The following PPFIBP1 variants were observed in gnomAD, a reference collection of about 807,000 sequenced individuals.
The protein encoded by PPFIBP1 is PPFIB scaffold protein 1.
In PPFIBP1, 112 loss-of-function variants were observed where a neutral mutation model predicts 137.8. That is an observed-to-expected ratio of 0.81 (90% CI 0.70 to 0.95). PPFIBP1 has a LOEUF of 0.95. Among genes scored for constraint, PPFIBP1 ranks in the 40% least tolerant of loss-of-function variants. The pLI, the probability that PPFIBP1 is intolerant of heterozygous loss-of-function variation, is 0.00. For missense variants in PPFIBP1, 1,083 were observed against 1,196.6 expected, an observed-to-expected ratio of 0.91 and a Z score of 1.40; for synonymous variants, 378 against 417.3, an observed-to-expected ratio of 0.91 and a Z score of 1.15.
At chr12:27,563,472 A>G (rs2049356902) in intron 1 of PPFIBP1, among the ~76,000 whole-genome samples, 1 of 146,024 alleles carries the variant, frequency 6.8e-6, no homozygotes, top group South Asian at 2.3e-4. Context: ...AAAAAAAAAA[A>G]AAAAAGCAGA....
At chr12:27,608,962 C>G (rs535551180) in intron 2 of PPFIBP1, 4 of 186,196 alleles carry the variant, frequency 2.1e-5, no homozygotes, top group Admixed American at 1.9e-4. Context: ...TTTGAAGGAG[C>G]AGGTTTAGCT....
At chr12:27,584,741 A>C (rs1437751376) in intron 2 of PPFIBP1, among the ~76,000 whole-genome samples, 1 of 152,228 alleles carries the variant, frequency 6.6e-6, no homozygotes, top group Non-Finnish European at 1.5e-5. Flanking sequence ...CCAAGAAATT[A>C]TCATTTGTTG....
rs116328355 is a variant in PPFIBP1 at position 27,592,596 on chromosome 12, G to A, written c.-36+14357G>A. On this transcript the variant is annotated intron_variant, in intron 2 of 29. Transcript: ENST00000228425. ...GATACCTCCTCAGCAGAGGGGAGAG[G>A]ATATGCTGCCTCAGCCAGCTGAAGG... is the stretch of plus-strand genomic sequence containing the variant. 2,202 of 1,578,130 alleles carry A rather than the reference G, an allele frequency of 1.4e-3. 17 individuals carry two copies. The African/African-American group carries it at 0.026, about 19-fold the overall frequency.
chr12:27,606,900 C>T (rs2054580956), intron 2 of PPFIBP1, among the ~76,000 whole-genome samples: 1 of 152,192 alleles, frequency 6.6e-6, no homozygotes, highest in Non-Finnish European at 1.5e-5. Context: ...GTTACTCCAT[C>T]CGTACTTGCT....
At chr12:27,630,881 T>G (rs547075898) in intron 2 of PPFIBP1, among the ~76,000 whole-genome samples, 4 of 151,530 alleles carry the variant, frequency 2.6e-5, no homozygotes, top group Non-Finnish European at 5.9e-5. Context: ...TGCTTCAGTT[T>G]AAGTCTACCA....
At chr12:27,541,844 T>G (rs2136020680) in intron 1 of PPFIBP1, among the ~76,000 whole-genome samples, 2 of 152,252 alleles carry the variant, frequency 1.3e-5, no homozygotes, top group African/African-American at 4.8e-5. Flanking sequence ...AGCTTCCGAC[T>G]CCAGGGCTGA....
intron 17 of PPFIBP1, 111 bp downstream of exon 17, chr12:27,674,332 TAA>T (rs1321508205): frequency 2.9e-6 from 2 of 689,562 alleles, no homozygotes; most frequent in Non-Finnish European, 4.8e-6. Context: ...AACATTATGC[TAA>T]ATGAAGCCAG....
At chr12:27,592,141 G>C (rs193158722) in intron 2 of PPFIBP1, among the ~76,000 whole-genome samples, 5 of 151,488 alleles carry the variant, frequency 3.3e-5, no homozygotes, top group Non-Finnish European at 5.9e-5. Context: ...GTCCTCACAG[G>C]GGGTGTCCTC....
At chr12:27,566,702 A>G (rs1337870033) in intron 1 of PPFIBP1, among the ~76,000 whole-genome samples, 1 of 152,224 alleles carries the variant, frequency 6.6e-6, no homozygotes, top group Admixed American at 6.5e-5. Flanking sequence ...ATTCTCACAC[A>G]GTAAGTGGGA....
At chr12:27,642,999 G>C (rs1389082805) in intron 4 of PPFIBP1, among the ~76,000 whole-genome samples, 2 of 152,010 alleles carry the variant, frequency 1.3e-5, no homozygotes, top group Admixed American at 1.3e-4. Flanking sequence ...GCTCACACAA[G>C]ATGGCCTTAA....
At chr12:27,545,547 G>A (rs1041446948) in intron 1 of PPFIBP1, among the ~76,000 whole-genome samples, 1 of 152,140 alleles carries the variant, frequency 6.6e-6, no homozygotes, top group African/African-American at 2.4e-5. Flanking sequence ...TGGCTGGTTG[G>A]CTCAGGGAGT....
chr12:27,695,005 G>C lies in PPFIBP1; in HGVS notation c.*2123G>C, dbSNP rs2061705226. ...CTCTACCATTCATTATGTGGTAACT[G>C]TATTGAACTTACTTTATTTGGATTT... On this transcript the variant is annotated 3_prime_UTR_variant, in exon 30 of 30. Coordinates refer to ENST00000228425, the MANE Select transcript of PPFIBP1 (RefSeq NM_003622.4). The C allele has an allele frequency of 2.0e-5, 3 of 152,128 alleles. No homozygotes were observed. Among genetic ancestry groups the C allele is most frequent in the Admixed American group, 6.6e-5 (1 of 15,264 alleles). The allele number at this position is 152,128 out of a possible 1,614,324, so 9.4% of individuals were successfully genotyped here.
chr12:27,571,221 T>G (rs993355623), intron 1 of PPFIBP1, among the ~76,000 whole-genome samples: 4 of 152,206 alleles, frequency 2.6e-5, no homozygotes, highest in Non-Finnish European at 5.9e-5. Flanking sequence ...GTACAAACAT[T>G]GGATTGTTTC....
intron 6 of PPFIBP1, chr12:27,648,123 G>A (rs1375985326): frequency 2.6e-6 from 1 of 391,084 alleles, no homozygotes; most frequent in East Asian, 3.7e-5. Flanking sequence ...CATAGCATGT[G>A]TTTTATAATT....
At chr12:27,608,199 C>T (rs553014792) in intron 2 of PPFIBP1, among the ~76,000 whole-genome samples, 29 of 152,286 alleles carry the variant, frequency 1.9e-4, no homozygotes, top group African/African-American at 5.1e-4. Context: ...ACTCAAATTT[C>T]AGTCTTTCAC....
chr12:27,661,478 TCC>T (rs11356760), intron 11 of PPFIBP1, among the ~76,000 whole-genome samples: 3 of 152,168 alleles, frequency 2.0e-5, no homozygotes, highest in South Asian at 2.1e-4. Context: ...ACAGGTTTCC[TCC>T]CCCCCCAGTT....
chr12:27,642,391 T>C (rs1412057658), intron 4 of PPFIBP1, among the ~76,000 whole-genome samples: 2 of 152,252 alleles, frequency 1.3e-5, no homozygotes, highest in Middle Eastern at 3.2e-3. Flanking sequence ...TCTAATATGC[T>C]GTGGAAGTCA....
At chr12:27,675,594 A>G (rs1053290108) in intron 17 of PPFIBP1, among the ~76,000 whole-genome samples, 2 of 152,246 alleles carry the variant, frequency 1.3e-5, no homozygotes, top group Non-Finnish European at 2.9e-5. Flanking sequence ...ACCCACTTCA[A>G]TAAATGGTGC....
intron 2 of PPFIBP1, among the ~76,000 whole-genome samples, chr12:27,621,870 A>C (rs2056374813): frequency 1.3e-5 from 2 of 152,220 alleles, no homozygotes; most frequent in Non-Finnish European, 2.9e-5. Context: ...TGACAAACTG[A>C]AACTTTAACA....
Sources: gnomAD v4.1 joint callset for allele counts (sites outside exome capture counted in the v4.1 genomes callset) on GRCh38, gnomAD v4.1.1 for gene constraint, MANE v1.5 for transcripts, NCBI Gene and HGNC (gene_info 2026-07-23, HGNC 2026-07-21) for gene names.